Variants in EYS observed in about 807,000 individuals in gnomAD.
The protein encoded by EYS is protein eyes shut homolog.
In EYS, 250 loss-of-function variants were observed where a neutral mutation model predicts 282.1. The ratio of observed to expected loss-of-function variants is 0.89; its 90% CI spans 0.80 to 0.98. EYS has a LOEUF of 0.98. Among genes scored for constraint, EYS ranks in the 50% least tolerant of loss-of-function variants. The pLI, the probability that EYS is intolerant of heterozygous loss-of-function variation, is 0.00. For synonymous variants in EYS, 1,355 were observed against 1,282.9 expected, an observed-to-expected ratio of 1.06 and a Z score of -1.20; for missense variants, 4,016 against 3,709.0, an observed-to-expected ratio of 1.08 and a Z score of -2.15.
chr6:65,174,467 ATG>A lies in EYS; in HGVS notation c.2024-116742_2024-116741del, dbSNP rs563543741. Among the ~76,000 whole-genome samples the A allele has an allele frequency of 1.4e-3, 208 of 151,494 alleles. 2 individuals carry two copies. The highest frequency in any genetic ancestry group is 4.8e-3 in the African/African-American group (198 of 41,498). On this transcript the variant is annotated intron_variant, in intron 12 of 42. Transcript: ENST00000503581. ...CATTCTACAAATTCCAAAACTCTTT[ATG>A]ACCAGAATAGAGTCCCCAACATTTG...
chr6:64,141,384 C>A (rs1274238054), intron 31 of EYS, among the ~76,000 whole-genome samples: 1 of 152,178 alleles, frequency 6.6e-6, no homozygotes, highest in South Asian at 2.1e-4. Flanking sequence ...AGAGAGAAAT[C>A]ACTTCTCAGA....
At chr6:64,804,214 A>G (rs1042456419) in intron 22 of EYS, among the ~76,000 whole-genome samples, 3 of 152,232 alleles carry the variant, frequency 2.0e-5, no homozygotes, top group Non-Finnish European at 4.4e-5. Flanking sequence ...ATCAGTTAAA[A>G]TAGTTTGAAC....
chr6:64,985,670 C>T (rs186502904), intron 14 of EYS, among the ~76,000 whole-genome samples: 135 of 151,600 alleles, frequency 8.9e-4, no homozygotes, highest in Non-Finnish European at 1.2e-3. Flanking sequence ...GTTAGACAAA[C>T]TATTGGACAC....
chr6:64,543,564 T>C (rs1764754213), intron 26 of EYS, among the ~76,000 whole-genome samples: 1 of 152,122 alleles, frequency 6.6e-6, no homozygotes, highest in East Asian at 1.9e-4. Context: ...GAAAATGGCT[T>C]AAAGGCTCTA....
chr6:65,009,279 G>T (rs558015334), intron 13 of EYS, among the ~76,000 whole-genome samples: 1 of 152,058 alleles, frequency 6.6e-6, no homozygotes, highest in Admixed American at 6.6e-5. Flanking sequence ...AAAGCCCAAG[G>T]CCTAGTAAAA....
rs558663137 is a variant in EYS, at chr6:64,130,062, G to A, written c.6425-48060C>T. 9.9e-5 allele frequency among the ~76,000 whole-genome samples: 15 copies of A among 152,224 alleles called. No individual in the cohort carries two copies. The South Asian group carries it at 1.7e-3, about 17-fold the overall frequency. Reference sequence around the variant, plus strand: ...GTAGTATAGTTTGAAGTCAGGTAGCGTGATGCCTCCAGCTCCTCAGGGATC... The same window carrying A: ...GTAGTATAGTTTGAAGTCAGGTAGCATGATGCCTCCAGCTCCTCAGGGATC... On this transcript the variant is annotated intron_variant, in intron 31 of 42. Coordinates refer to ENST00000503581, the MANE Select transcript of EYS (RefSeq NM_001142800.2).
chr6:64,059,461 A>G (rs936346521), intron 33 of EYS, among the ~76,000 whole-genome samples: 4 of 152,192 alleles, frequency 2.6e-5, no homozygotes, highest in African/African-American at 9.6e-5. Flanking sequence ...GGTAGAGTCC[A>G]CTGGCATATT....
chr6:65,033,621 G>C (rs1227258750), intron 13 of EYS, among the ~76,000 whole-genome samples: 2 of 152,108 alleles, frequency 1.3e-5, no homozygotes, highest in African/African-American at 2.4e-5. Flanking sequence ...AGCCTGTAGG[G>C]GCACAGAATA....
At chr6:64,330,561 T>G (rs1770604207) in intron 29 of EYS, among the ~76,000 whole-genome samples, 1 of 152,152 alleles carries the variant, frequency 6.6e-6, no homozygotes, top group African/African-American at 2.4e-5. Flanking sequence ...AAGGAATAGC[T>G]ACAGGAGTCT....
chr6:65,115,776 A>ATATTTTTT (rs60560844), intron 12 of EYS, among the ~76,000 whole-genome samples: 1 of 151,762 alleles, frequency 6.6e-6, no homozygotes, highest in African/African-American at 2.4e-5. Flanking sequence ...TAAAAGACAT[A>ATATTTTTT]GATTAGATTT....
chr6:64,818,248 T>C (rs943521314), intron 21 of EYS, among the ~76,000 whole-genome samples: 1 of 152,156 alleles, frequency 6.6e-6, no homozygotes, highest in Non-Finnish European at 1.5e-5. Context: ...ATCCAGAACT[T>C]AAATTACATT....
intron 33 of EYS, among the ~76,000 whole-genome samples, chr6:64,062,424 G>A (rs1771208392): frequency 6.6e-6 from 1 of 152,090 alleles, no homozygotes; most frequent in South Asian, 2.1e-4. Flanking sequence ...AGGCTTGGTG[G>A]CTCACACCTG....
intron 22 of EYS, among the ~76,000 whole-genome samples, chr6:64,706,217 G>A (rs1288655883): frequency 6.6e-6 from 1 of 152,074 alleles, no homozygotes; most frequent in Non-Finnish European, 1.5e-5. Flanking sequence ...ACATTAAGTG[G>A]GGAAAGGGCA....
chr6:65,660,540 G>A (rs2149825225), intron 1 of EYS, among the ~76,000 whole-genome samples: 1 of 151,734 alleles, frequency 6.6e-6, no homozygotes, highest in East Asian at 1.9e-4. Context: ...TCTAAAGACA[G>A]ATATCCATAT....
intron 35 of EYS, among the ~76,000 whole-genome samples, chr6:63,899,029 T>C (rs1773600551): frequency 6.6e-6 from 1 of 152,154 alleles, no homozygotes; most frequent in African/African-American, 2.4e-5. Flanking sequence ...AAAGCAGCTA[T>C]GACCTGCCTA....
chr6:65,309,350 A>G (rs190631706), intron 11 of EYS, among the ~76,000 whole-genome samples: 4,272 of 152,266 alleles, frequency 0.028, 81 homozygotes, highest in South Asian at 0.063. Flanking sequence ...AGAATTCAAA[A>G]CCAACACTAT....
intron 5 of EYS, among the ~76,000 whole-genome samples, chr6:65,444,537 A>G (rs778363587): frequency 7.2e-5 from 11 of 152,048 alleles, no homozygotes; most frequent in Non-Finnish European, 1.5e-4. Flanking sequence ...GTAATCCTTT[A>G]AGGCACCTAT....
At chr6:63,926,854 G>C (rs150688267) in intron 35 of EYS, among the ~76,000 whole-genome samples, 3 of 152,240 alleles carry the variant, frequency 2.0e-5, no homozygotes, top group Admixed American at 6.5e-5. Flanking sequence ...TTGGGTAAAG[G>C]CTGTACTTTG....
intron 12 of EYS, among the ~76,000 whole-genome samples, chr6:65,231,114 T>TATATATATATATAC (rs1766766144): frequency 7.5e-5 from 8 of 107,140 alleles, no homozygotes; most frequent in Admixed American, 6.3e-4. Context: ...TATATATGTA[T>TATATATATATATAC]TTATATATAT....
Sources: allele counts gnomAD v4.1 joint callset (sites outside exome capture counted in the v4.1 genomes callset), GRCh38; gene constraint gnomAD v4.1.1; transcripts MANE v1.5; gene names NCBI Gene and HGNC (gene_info 2026-07-23, HGNC 2026-07-21).